Variants in BROX observed in about 807,000 individuals in gnomAD.
BROX encodes the protein BRO1 domain-containing protein BROX.
BROX carries 53 observed loss-of-function variants against 61.0 expected under a neutral mutation model. The ratio of observed to expected loss-of-function variants is 0.87; its 90% CI spans 0.70 to 1.09. The LOEUF (loss-of-function observed/expected upper bound fraction) is 1.09. BROX is among the 50% of genes least tolerant of loss of function. The pLI is 0.00. For synonymous variants in BROX, 152 were observed against 160.2 expected (o/e 0.95, Z 0.38); for missense variants, 489 against 472.0 (o/e 1.04, Z -0.33).
intron 11 of BROX, among the ~76,000 whole-genome samples, chr1:222,730,780 ACT>A (rs1303957919): frequency 1.3e-5 from 2 of 151,542 alleles, no homozygotes; most frequent in Non-Finnish European, 2.9e-5. Flanking sequence ...TTTTCTCTTA[ACT>A]CTGTTTCCCT....
At chr1:222,726,765 G>A (rs769309993) in intron 7 of BROX, among the ~76,000 whole-genome samples, 1 of 151,760 alleles carries the variant, frequency 6.6e-6, no homozygotes, top group Non-Finnish European at 1.5e-5. Context: ...TGCATGTGTA[G>A]TCTCAGCCAC....
intron 4 of BROX, among the ~76,000 whole-genome samples, chr1:222,722,067 A>T (rs1259449548): frequency 2.0e-5 from 3 of 152,166 alleles, no homozygotes; most frequent in African/African-American, 7.2e-5. Context: ...TTGAGAATCG[A>T]CTGAGTACTT....
chr1:222,727,027 A>G (rs557498573), intron 7 of BROX, 141 bp from the exon 8 acceptor site: 38 of 602,596 alleles, frequency 6.3e-5, no homozygotes, highest in South Asian at 4.3e-4. Context: ...TGCATTTTCT[A>G]TAAGTTTGCA....
At chr1:222,727,464 C>T (rs1571983566) in intron 8 of BROX, among the ~76,000 whole-genome samples, 1 of 152,316 alleles carries the variant, frequency 6.6e-6, no homozygotes, top group African/African-American at 2.4e-5. Context: ...AGTGATGTCT[C>T]ATAAAATTAT....
chr1:222,716,696 C>G (rs1383425588), intron 2 of BROX, among the ~76,000 whole-genome samples: 1 of 152,152 alleles, frequency 6.6e-6, no homozygotes, highest in Non-Finnish European at 1.5e-5. Flanking sequence ...TTGAATAGTC[C>G]CGGTGGATAC....
chr1:222,723,079 C>T (rs1015058078), intron 5 of BROX, among the ~76,000 whole-genome samples: 7 of 152,104 alleles, frequency 4.6e-5, no homozygotes, highest in African/African-American at 1.4e-4. Flanking sequence ...TTCATCCATA[C>T]GTGGGAATAA....
chr1:222,728,502 TTTAAC>T (rs1657681563), intron 8 of BROX, among the ~76,000 whole-genome samples: 1 of 152,154 alleles, frequency 6.6e-6, no homozygotes, highest in Non-Finnish European at 1.5e-5. Flanking sequence ...TATCATTATC[TTTAAC>T]TTAAAGTTGT....
rs1658058998 is a variant in BROX, at chr1:222,733,063, C to CTTTTTTTTTTTCTTTTTTTT, written c.*360_*361insCTTTTTTTTTTTTTTTTTTT. On this transcript the variant is annotated 3_prime_UTR_variant, in exon 13 of 13. Transcript: ENST00000340934. ...AGGTATGTTTTTCTTTTTTCTTTTT[C>CTTTTTTTTTTTCTTTTTTTT]TTTTTTTTTTTTCTTTTTTTTTTTT... The CTTTTTTTTTTTCTTTTTTTT allele has an allele frequency of 5.7e-5, 6 of 104,884 alleles. No homozygotes were observed. The highest frequency in any genetic ancestry group is 9.8e-5 in the Non-Finnish European group (5 of 50,784). 6.5% of individuals were successfully genotyped at this position (104,884 alleles called of 1,614,324 possible). A position where few individuals can be genotyped will look rare whatever the true frequency, so the allele number is the denominator to read the frequency against.
At chr1:222,723,924 G>T (rs1350211720) in intron 5 of BROX, among the ~76,000 whole-genome samples, 168 bp from the exon 6 acceptor site, 1 of 152,144 alleles carries the variant, frequency 6.6e-6, no homozygotes, top group Non-Finnish European at 1.5e-5. Flanking sequence ...CTCCCAAAGT[G>T]CTAGGATTAC....
At chr1:222,721,965 T>A (rs1657128688) in intron 4 of BROX, among the ~76,000 whole-genome samples, 1 of 152,182 alleles carries the variant, frequency 6.6e-6, no homozygotes. Flanking sequence ...TCAGATTTTA[T>A]ATATACCATT....
At position 222,734,367 on chromosome 1, in the gene BROX, C is replaced by T. The variant is rs1258916528; in HGVS notation, c.*1653C>T. ...CATAAAGTGTTGAAATAGGAATATA[C>T]ATTTCATTATGAAAAATGAATAGAT... On this transcript the variant is annotated 3_prime_UTR_variant, in exon 13 of 13. Transcript: ENST00000340934. 4 of 152,100 alleles carry T rather than the reference C, an allele frequency of 2.6e-5. No homozygotes were observed. Among genetic ancestry groups the T allele is most frequent in the Non-Finnish European group, 5.9e-5 (4 of 68,010 alleles). The allele number at this position is 152,100 out of a possible 1,614,324, so 9.4% of individuals were successfully genotyped here.
In BROX at chr1:222,730,086, A is replaced by G. The variant is rs1657823221; in HGVS notation, c.898A>G (p.Thr300Ala). The G allele has an allele frequency of 6.2e-7, 1 of 1,613,612 alleles. No individual in the cohort carries two copies. The highest frequency in any genetic ancestry group is 8.5e-7 in the Non-Finnish European group (1 of 1,179,714). ...EYGETKGPGP[T>A]VKPSGHLFFR... The stretch of plus-strand genomic sequence containing the variant: ...TGGAGAAACCAAAGGACCTGGACCA[A>G]CAGTCAAACCTTCAGGACATCTGTT... Residue 300 changes from threonine (T) to alanine (A), a missense_variant, in exon 11 of 13, where the codon ACA (threonine) becomes GCA (alanine). Thr to Ala is a moderately conservative substitution (Grantham distance 58, BLOSUM62 0). Transcript: ENST00000340934.
At position 222,731,497 on chromosome 1, in the gene BROX, A is replaced by G. The variant is rs768796881; in HGVS notation, c.1130A>G (p.Lys377Arg). The G allele has an allele frequency of 1.3e-6, 2 of 1,592,614 alleles. No homozygotes were observed. The highest frequency in any genetic ancestry group is 2.3e-5 in the South Asian group (2 of 85,930). The change falls in exon 12 of 13, where the codon AAA becomes AGA. Residue 377 changes from lysine (K) to arginine (R), a missense_variant. Coordinates refer to ENST00000340934, the MANE Select transcript of BROX (RefSeq NM_144695.4). ...PETLAAFDLT[K>R]RPKDDSTKPK... ...ACATTGGCTGCATTTGATCTCACCA[A>G]AAGACCCAAGGATGACAGTGTATGA...
chr1:222,716,790 G>A (rs895480176), intron 2 of BROX, among the ~76,000 whole-genome samples: 1 of 152,198 alleles, frequency 6.6e-6, no homozygotes, highest in Admixed American at 6.5e-5. Context: ...GATTGTCAGA[G>A]GGGAAAGGAG....
chr1:222,729,673 A>C lies in BROX; in HGVS notation c.810A>C (p.Ala270=). 1 of 1,612,822 alleles carries C rather than the reference A, an allele frequency of 6.2e-7. No homozygotes were observed. The highest frequency in any genetic ancestry group is 2.2e-5 in the East Asian group (1 of 44,810). Residue 270 remains alanine (A), a synonymous_variant, in exon 10 of 13, where the codon GCA becomes GCC. Transcript: ENST00000340934. ...TLLASDKCGE[A]IRSLQEAEKL... ...TGGCTAGTGATAAATGCGGTGAAGCAATCAGGTCTCTCCAAGAAGCAGAAA... is the reference window on the plus strand; with the variant it reads ...TGGCTAGTGATAAATGCGGTGAAGCCATCAGGTCTCTCCAAGAAGCAGAAA...
At position 222,712,808 on chromosome 1, in the gene BROX, T is replaced by G. The variant is rs1264076623; in HGVS notation, c.-151T>G. The G allele has an allele frequency of 7.8e-7, 1 of 1,288,928 alleles. No homozygotes were observed. Among genetic ancestry groups the G allele is most frequent in the South Asian group, 1.2e-5 (1 of 80,870 alleles). 79.8% of individuals were successfully genotyped at this position (1,288,928 alleles called of 1,614,324 possible). On this transcript the variant is annotated 5_prime_UTR_variant, in exon 1 of 13. Coordinates refer to ENST00000340934, the MANE Select transcript of BROX (RefSeq NM_144695.4). The stretch of plus-strand genomic sequence containing the variant: ...GCCGCCGGGTCACGTGACTCCGGCT[T>G]GGCGCCGTCCTGGTTTTCCGTCACC...
At chr1:222,726,541 AC>A (rs746145749) in intron 7 of BROX, among the ~76,000 whole-genome samples, 1 of 151,614 alleles carries the variant, frequency 6.6e-6, no homozygotes, top group African/African-American at 2.4e-5. Context: ...ACATGGAGAA[AC>A]CCCATCTCCA....
In BROX at chr1:222,712,608, C is replaced by T. The variant is rs1656133854; in HGVS notation, c.-351C>T. On this transcript the variant is annotated 5_prime_UTR_variant, in exon 1 of 13. Transcript: ENST00000340934. The stretch of plus-strand genomic sequence containing the variant: ...TCGCTATTGCGGCATTCTCCCTCGG[C>T]TCCGGAGGTAGGGGCAACTCTTCTC... 2 of 1,346,862 alleles carry T rather than the reference C, an allele frequency of 1.5e-6. No homozygotes were observed. Among genetic ancestry groups the T allele is most frequent in the Non-Finnish European group, 1.9e-6 (2 of 1,030,808 alleles). 83.4% of individuals were successfully genotyped at this position (1,346,862 alleles called of 1,614,324 possible). A position where few individuals can be genotyped will look rare whatever the true frequency, so the allele number is the denominator to read the frequency against.
At chr1:222,719,116 GT>G in intron 3 of BROX, 85 bp downstream of exon 3, 1 of 1,342,192 alleles carries the variant, frequency 7.5e-7, no homozygotes, top group Non-Finnish European at 1.0e-6. Context: ...AATTTGATTA[GT>G]TTACTCTTCC....
Sources: allele counts gnomAD v4.1 joint callset (sites outside exome capture counted in the v4.1 genomes callset), GRCh38; gene constraint gnomAD v4.1.1; transcripts MANE v1.5; gene names NCBI Gene and HGNC (gene_info 2026-07-23, HGNC 2026-07-21).